MAP3K15: variants seen among roughly 807,000 people sequenced by gnomAD.
The protein encoded by MAP3K15 is mitogen-activated protein kinase kinase kinase 15, also known as MAPK/ERK kinase kinase 15.
A neutral mutation model predicts 99.5 loss-of-function variants in MAP3K15; 124 were observed. The observed-to-expected ratio is 1.25, with a 90% CI of 1.08 to 1.45. MAP3K15 has a LOEUF of 1.45. Ranked by LOEUF, MAP3K15 falls within the 40% of genes most tolerant of loss-of-function variation. MAP3K15 has a pLI of 0.00. For missense variants in MAP3K15, 1,242 were observed against 1,079.7 expected, an observed-to-expected ratio of 1.15 and a Z score of -2.11; for synonymous variants, 494 against 439.6, an observed-to-expected ratio of 1.12 and a Z score of -1.55.
chrX:19,466,884 T>G (rs1323954439), intron 3 of MAP3K15, among the ~76,000 whole-genome samples: 1 of 112,224 alleles, frequency 8.9e-6, no homozygotes, highest in Non-Finnish European at 1.9e-5. Context: ...AAACAGCCAT[T>G]TAAAGCAAGC....
chrX:19,470,644 CA>C (rs2064202499), intron 3 of MAP3K15, among the ~76,000 whole-genome samples: 1 of 109,887 alleles, frequency 9.1e-6, no homozygotes, highest in African/African-American at 3.3e-5. Flanking sequence ...AAGTAAACAA[CA>C]AAAACAACAT....
intron 7 of MAP3K15, among the ~76,000 whole-genome samples, chrX:19,426,818 C>CAAAAAAAAAAAA (rs746106862): frequency 0.012 from 263 of 21,129 alleles, 57 homozygotes; most frequent in African/African-American, 0.052. Context: ...AATCTGTCTC[C>CAAAAAAAAAAAA]AAAAAAAAAA....
chrX:19,436,663 G>A (rs1437986037), intron 6 of MAP3K15, among the ~76,000 whole-genome samples: 1 of 110,826 alleles, frequency 9.0e-6, no homozygotes, highest in South Asian at 3.8e-4. Context: ...CAAACTTAAC[G>A]TGTCCCAAAT....
At chrX:19,412,138 G>A (rs1442426604) in intron 11 of MAP3K15, among the ~76,000 whole-genome samples, 1 of 112,114 alleles carries the variant, frequency 8.9e-6, no homozygotes, top group African/African-American at 3.2e-5. Context: ...CCACCTGCAG[G>A]AGGCTGCACA....
intron 1 of MAP3K15, among the ~76,000 whole-genome samples, chrX:19,499,106 A>G (rs913856577): frequency 2.7e-5 from 3 of 111,878 alleles, no homozygotes; most frequent in African/African-American, 9.7e-5. Flanking sequence ...ACCCAATTAA[A>G]TGGGTCAATG....
intron 19 of MAP3K15, among the ~76,000 whole-genome samples, chrX:19,378,344 C>T (rs1285341531): frequency 2.7e-5 from 3 of 112,383 alleles, no homozygotes; most frequent in Non-Finnish European, 5.6e-5. Context: ...AGTCTGTTCT[C>T]ATGCTGCTAT....
At chrX:19,494,823 C>CAA in intron 1 of MAP3K15, among the ~76,000 whole-genome samples, 1 of 103,574 alleles carries the variant, frequency 9.7e-6, no homozygotes, top group Non-Finnish European at 2.0e-5. Context: ...CCAAAGACTT[C>CAA]AAAACAAAAA....
rs911879562 is a variant in MAP3K15 at position 19,488,946 on chromosome X, C to T, written c.383G>A (p.Ser128Asn). ...YDADVAVVDM[S>N]DVSRQPSLFY... The stretch of plus-strand genomic sequence containing the variant: ...GAGGGAAGGCTGTCTGGAGACATCG[C>T]TCATGTCTACCACAGCAACATCTGC... Residue 128 changes from serine to asparagine, a missense_variant, in exon 2 of 29, where the codon AGC becomes AAC. By Grantham distance (46) the Ser-to-Asn change is conservative (BLOSUM62 1). Coordinates refer to ENST00000338883, the MANE Select transcript of MAP3K15 (RefSeq NM_001001671.4). 4.2e-6 allele frequency: 5 copies of T among 1,196,171 alleles called. No individual in the cohort carries two copies. The highest frequency in any genetic ancestry group is 1.8e-5 in the African/African-American group (1 of 56,724).
intron 6 of MAP3K15, among the ~76,000 whole-genome samples, chrX:19,441,909 T>C (rs772330238): frequency 1.8e-5 from 2 of 111,839 alleles, no homozygotes; most frequent in African/African-American, 6.5e-5. Context: ...AGCCTCAAGA[T>C]GTAAGGAGAC....
chrX:19,444,146 T>C (rs1043765481), intron 6 of MAP3K15, among the ~76,000 whole-genome samples: 2 of 112,103 alleles, frequency 1.8e-5, no homozygotes, highest in African/African-American at 6.5e-5. Context: ...GCAACTATTC[T>C]TTAAAACCTC....
At chrX:19,468,772 T>A (rs1168690440) in intron 3 of MAP3K15, among the ~76,000 whole-genome samples, 1 of 111,710 alleles carries the variant, frequency 9.0e-6, no homozygotes, top group Non-Finnish European at 1.9e-5. Flanking sequence ...TTCCATTTGT[T>A]TGTATCCTCT....
intron 19 of MAP3K15, among the ~76,000 whole-genome samples, chrX:19,379,273 CT>C (rs2063440882): frequency 2.8e-5 from 3 of 108,900 alleles, no homozygotes; most frequent in South Asian, 7.9e-4. Flanking sequence ...GATAGGGCCT[CT>C]ATCTCCTAGT....
At chrX:19,376,322 G>A (rs1181153005) in intron 19 of MAP3K15, among the ~76,000 whole-genome samples, 1 of 110,721 alleles carries the variant, frequency 9.0e-6, no homozygotes, top group Non-Finnish European at 1.9e-5. Context: ...GCTTCTCGTG[G>A]TCTGCGGGCG....
At chrX:19,421,011 T>C (rs1237827209) in intron 9 of MAP3K15, among the ~76,000 whole-genome samples, 1 of 111,151 alleles carries the variant, frequency 9.0e-6, no homozygotes, top group Non-Finnish European at 1.9e-5. Context: ...CTCAATACAT[T>C]AGGTATTGAT....
chrX:19,437,082 G>C (rs888455755), intron 6 of MAP3K15, among the ~76,000 whole-genome samples: 8 of 111,794 alleles, frequency 7.2e-5, no homozygotes, highest in African/African-American at 2.6e-4. Context: ...CAAAAACTTT[G>C]CAGTCATGTT....
chrX:19,514,809 AC>A (rs2064549526), intron 1 of MAP3K15, 91 bp downstream of exon 1: 2 of 69,111 alleles, frequency 2.9e-5, no homozygotes, highest in African/African-American at 4.0e-4. Flanking sequence ...GGGGAGGGGG[AC>A]GGGGGAGAAG....
At chrX:19,471,808 GA>G (rs1043249555) in intron 3 of MAP3K15, among the ~76,000 whole-genome samples, 18 of 109,675 alleles carry the variant, frequency 1.6e-4, no homozygotes, top group East Asian at 2.8e-4. Context: ...AGTGCTGAAA[GA>G]AAAAAAAAGT....
At position 19,361,585 on chromosome X, in the gene MAP3K15, C is replaced by T; in HGVS notation, c.3688G>A (p.Glu1230Lys). 1 of 1,186,942 alleles carries T rather than the reference C, an allele frequency of 8.4e-7. No individual in the cohort carries two copies. Among genetic ancestry groups the T allele is most frequent in the Non-Finnish European group, 1.1e-6 (1 of 875,051 alleles). The stretch of plus-strand genomic sequence containing the variant: ...TGCCCGTAGGGGCCTGCTGGGTTCT[C>T]TGTAATACCTGTAACGATTGGCAAT... The part of the protein sequence containing the change: ...QLKLKSNCIT[E>K]NPAGPYGQRT... Residue 1230 changes from glutamate to lysine, a missense_variant, in exon 27 of 29, where the codon GAG (glutamate) becomes AAG (lysine). Coordinates refer to ENST00000338883, the MANE Select transcript of MAP3K15 (RefSeq NM_001001671.4).
chrX:19,360,945 TGG>T, intron 28 of MAP3K15, 112 bp from the exon 29 acceptor site: 2 of 540,492 alleles, frequency 3.7e-6, no homozygotes, highest in Non-Finnish European at 5.9e-6. Context: ...TCCTCACATA[TGG>T]AGGTGACGCT....
Sources: allele counts gnomAD v4.1 joint callset (sites outside exome capture counted in the v4.1 genomes callset), GRCh38; gene constraint gnomAD v4.1.1; transcripts MANE v1.5; gene names NCBI Gene and HGNC (gene_info 2026-07-23, HGNC 2026-07-21).